Variants in TXNDC9 observed in about 807,000 individuals in gnomAD.
TXNDC9 encodes thioredoxin domain-containing protein 9.
Under a neutral mutation model 23.0 loss-of-function variants are expected in TXNDC9, and 7 were observed. That is an observed-to-expected ratio of 0.30 (90% CI 0.17 to 0.57). The LOEUF (loss-of-function observed/expected upper bound fraction) is 0.57. Ranked by LOEUF, TXNDC9 falls within the 20% of genes least tolerant of loss-of-function variation. TXNDC9 has a pLI of 0.90. For missense variants in TXNDC9, 198 were observed against 252.6 expected (o/e 0.78, Z 1.47); for synonymous variants, 72 against 90.6 (o/e 0.79, Z 1.17).
chr2:99,310,461 C>T, the TXNDC9 span, among the ~76,000 whole-genome samples: 1 of 152,074 alleles, frequency 6.6e-6, no homozygotes, highest in Non-Finnish European at 1.5e-5. Flanking sequence ...AGACACCACT[C>T]CTGGCCAGAG....
downstream of TXNDC9, among the ~76,000 whole-genome samples, chr2:99,314,207 T>C (rs913008757): frequency 6.6e-6 from 1 of 152,178 alleles, no homozygotes; most frequent in Non-Finnish European, 1.5e-5. Flanking sequence ...AATCAAGTCT[T>C]CCTGTTTCAA....
downstream of TXNDC9, chr2:99,318,966 C>A (rs935887504): frequency 6.6e-6 from 1 of 152,230 alleles, no homozygotes; most frequent in Non-Finnish European, 1.5e-5. Context: ...AAAAGATTGA[C>A]TTTCTTGAAA....
rs372654254 is a variant in TXNDC9 at position 99,324,006 on chromosome 2, C to T, written c.309-1797G>A. Among the ~76,000 whole-genome samples, 88 of 152,084 alleles carry T rather than the reference C, an allele frequency of 5.8e-4. 1 individual carries two copies. Among genetic ancestry groups the T allele is most frequent in the Middle Eastern group, 6.8e-3 (2 of 294 alleles). On this transcript the variant is annotated intron_variant, in intron 3 of 4. Coordinates refer to ENST00000264255, the MANE Select transcript of TXNDC9 (RefSeq NM_005783.4). ...GATTACAGGCACCTGCCACCACGCCCGGCTAATTTTTGTATTTTTAGTAGC... is the reference window on the plus strand; with the variant it reads ...GATTACAGGCACCTGCCACCACGCCTGGCTAATTTTTGTATTTTTAGTAGC...
intron 1 of TXNDC9, among the ~76,000 whole-genome samples, chr2:99,334,751 C>T (rs1221326702): frequency 2.0e-5 from 3 of 152,002 alleles, no homozygotes; most frequent in Non-Finnish European, 2.9e-5. Flanking sequence ...CTCGCTCTGT[C>T]GCCCAGGCTG....
At chr2:99,323,981 G>A in intron 3 of TXNDC9, among the ~76,000 whole-genome samples, 1 of 152,048 alleles carries the variant, frequency 6.6e-6, no homozygotes, top group East Asian at 1.9e-4. Flanking sequence ...GAGTAGCTGG[G>A]ATTACAGGCA....
At chr2:99,328,524 T>C (rs1441450722) in intron 2 of TXNDC9, among the ~76,000 whole-genome samples, 2 of 152,164 alleles carry the variant, frequency 1.3e-5, no homozygotes, top group African/African-American at 4.8e-5. Context: ...CAATTACCTG[T>C]CTTTGTAGCT....
downstream of TXNDC9, among the ~76,000 whole-genome samples, chr2:99,314,251 T>C (rs2094183572): frequency 1.3e-5 from 2 of 152,210 alleles, no homozygotes. Flanking sequence ...ATCTACACTG[T>C]CCTTCCTCTG....
downstream of TXNDC9, among the ~76,000 whole-genome samples, chr2:99,316,999 G>A (rs184334677): frequency 1.0e-3 from 153 of 152,214 alleles, 2 homozygotes; most frequent in Admixed American, 2.6e-3. Flanking sequence ...CTCGTGATCC[G>A]CCCGCCTTGG....
chr2:99,330,022 G>A (rs538679264), intron 2 of TXNDC9, among the ~76,000 whole-genome samples: 4 of 151,634 alleles, frequency 2.6e-5, no homozygotes, highest in South Asian at 4.2e-4. Context: ...GGGCGCAGTG[G>A]CTCACGCCTG....
intron 1 of TXNDC9, among the ~76,000 whole-genome samples, chr2:99,335,004 C>T (rs1285148390): frequency 6.6e-6 from 1 of 152,304 alleles, no homozygotes; most frequent in Non-Finnish European, 1.5e-5. Flanking sequence ...GTGAGCCAGC[C>T]GCGCCCGGCC....
At chr2:99,313,162 CA>C in the TXNDC9 span, among the ~76,000 whole-genome samples, 1 of 151,380 alleles carries the variant, frequency 6.6e-6, no homozygotes, top group African/African-American at 2.4e-5. Flanking sequence ...AACTCTGTCT[CA>C]AAAAAACAAA....
chr2:99,314,002 T>A (rs964635059), downstream of TXNDC9, among the ~76,000 whole-genome samples: 1 of 152,204 alleles, frequency 6.6e-6, no homozygotes, highest in Admixed American at 6.5e-5. Flanking sequence ...ATATGATTTG[T>A]TTTGGGGCCA....
At chr2:99,334,802 C>G (rs2105327759) in intron 1 of TXNDC9, among the ~76,000 whole-genome samples, 1 of 152,194 alleles carries the variant, frequency 6.6e-6, no homozygotes, top group East Asian at 1.9e-4. Flanking sequence ...AGCTCCGCCT[C>G]CTGGGTTCAC....
At chr2:99,327,688 A>G in intron 2 of TXNDC9, 35 bp from the exon 3 acceptor site, 1 of 1,324,972 alleles carries the variant, frequency 7.5e-7, no homozygotes, top group Non-Finnish European at 1.1e-6. Flanking sequence ...TACACATGTG[A>G]GATATCTCTT....
At chr2:99,331,963 C>T (rs2094226803) in intron 2 of TXNDC9, among the ~76,000 whole-genome samples, 1 of 152,152 alleles carries the variant, frequency 6.6e-6, no homozygotes, top group African/African-American at 2.4e-5. Context: ...CTCCCGACCT[C>T]AGGTTGTCCG....
Position 99,336,313 on chromosome 2 carries a change from G to A in TXNDC9, c.-107C>T, listed in dbSNP as rs1378629256. The A allele has an allele frequency of 2.0e-6, 2 of 985,388 alleles. No homozygotes were observed. Among genetic ancestry groups the A allele is most frequent in the African/African-American group, 1.7e-5 (1 of 57,244 alleles). 61.0% of individuals were successfully genotyped at this position (985,388 alleles called of 1,614,324 possible). Reference sequence around the variant, plus strand: ...ACACGTCCACTCCGGCTTTTGCCTTGCAGTAGCTGCCGGCGGCTGCAAACG... The same window carrying A: ...ACACGTCCACTCCGGCTTTTGCCTTACAGTAGCTGCCGGCGGCTGCAAACG... On this transcript the variant is annotated 5_prime_UTR_variant, in exon 1 of 5. Transcript: ENST00000264255.
intron 2 of TXNDC9, among the ~76,000 whole-genome samples, chr2:99,330,919 A>G (rs954902266): frequency 1.3e-5 from 2 of 152,208 alleles, no homozygotes; most frequent in Non-Finnish European, 2.9e-5. Flanking sequence ...AAGTTCTAAA[A>G]TAAGACCCTC....
rs1266999669 is a variant in TXNDC9, at chr2:99,333,345, A to G, written c.-32-103T>C. 7.7e-6 allele frequency: 7 copies of G among 908,276 alleles called. No individual in the cohort carries two copies. The East Asian group carries it at 1.6e-4, about 21-fold the overall frequency. 56.3% of individuals were successfully genotyped at this position (908,276 alleles called of 1,614,324 possible). A position where few individuals can be genotyped will look rare whatever the true frequency, so the allele number is the denominator to read the frequency against. ...CTGGCAAGTGTATAATGTGTACTCT[A>G]TGGAGTATTCTAACGACATCCAAGC... On this transcript the variant is annotated intron_variant, in intron 1 of 4. Coordinates refer to ENST00000264255, the MANE Select transcript of TXNDC9 (RefSeq NM_005783.4).
intron 4 of TXNDC9, chr2:99,321,330 T>C (rs2094201240): frequency 6.6e-6 from 1 of 152,204 alleles, no homozygotes; most frequent in South Asian, 2.1e-4. Flanking sequence ...CAAGATGATA[T>C]GCTCTGATTT....
Sources: gnomAD v4.1 joint callset for allele counts (sites outside exome capture counted in the v4.1 genomes callset) on GRCh38, gnomAD v4.1.1 for gene constraint, MANE v1.5 for transcripts, NCBI Gene and HGNC (gene_info 2026-07-23, HGNC 2026-07-21) for gene names.